TTLL11: variants seen among roughly 807,000 people sequenced by gnomAD.
TTLL11 encodes tubulin tyrosine ligase like 11.
A neutral mutation model predicts 51.7 loss-of-function variants in TTLL11; 42 were observed. That is an observed-to-expected ratio of 0.81 (90% confidence interval 0.64 to 1.05). TTLL11 has a LOEUF of 1.05. Ranked by LOEUF, TTLL11 falls within the 50% of genes least tolerant of loss-of-function variation. The pLI, the probability that TTLL11 is intolerant of heterozygous loss-of-function variation, is 0.00. For synonymous variants in TTLL11, 381 were observed against 383.5 expected (o/e 0.99, Z 0.08); for missense variants, 799 against 940.4 (o/e 0.85, Z 1.97).
At chr9:122,002,610 T>A (rs887903447) in intron 3 of TTLL11, among the ~76,000 whole-genome samples, 4 of 152,060 alleles carry the variant, frequency 2.6e-5, no homozygotes, top group Admixed American at 2.6e-4. Context: ...TGTTTTCCCA[T>A]CCCCTGGGAA....
intron 1 of TTLL11, among the ~76,000 whole-genome samples, chr9:122,065,301 A>G (rs1487721002): frequency 6.6e-6 from 1 of 152,226 alleles, no homozygotes; most frequent in Admixed American, 6.5e-5. Context: ...CCTCGCAAGA[A>G]GAAAAGGAAT....
At chr9:121,865,492 A>G (rs1838150637) in intron 7 of TTLL11, among the ~76,000 whole-genome samples, 1 of 152,200 alleles carries the variant, frequency 6.6e-6, no homozygotes, top group Non-Finnish European at 1.5e-5. Flanking sequence ...GCCATCACGA[A>G]AAATGCAGCA....
intron 6 of TTLL11, among the ~76,000 whole-genome samples, chr9:121,929,763 G>C (rs535975153): frequency 6.6e-6 from 1 of 152,184 alleles, no homozygotes; most frequent in Non-Finnish European, 1.5e-5. Flanking sequence ...GGCAGGTTCC[G>C]AGGACCGGCC....
intron 8 of TTLL11, among the ~76,000 whole-genome samples, chr9:121,824,866 T>A (rs909808428): frequency 6.6e-6 from 1 of 152,166 alleles, no homozygotes; most frequent in African/African-American, 2.4e-5. Context: ...GGTTTGTAGA[T>A]TACAGGTTAC....
At chr9:122,054,664 C>T (rs1459603261) in intron 1 of TTLL11, among the ~76,000 whole-genome samples, 3 of 152,124 alleles carry the variant, frequency 2.0e-5, no homozygotes, top group African/African-American at 4.8e-5. Context: ...GAAAAGAGTT[C>T]CAATATCAAT....
chr9:122,032,983 T>G (rs1331944526), intron 2 of TTLL11, among the ~76,000 whole-genome samples: 1 of 151,652 alleles, frequency 6.6e-6, no homozygotes, highest in East Asian at 2.0e-4. Flanking sequence ...TTTTTGTTTT[T>G]GTAGAGACAG....
intron 6 of TTLL11, among the ~76,000 whole-genome samples, chr9:121,950,871 A>T (rs1841832111): frequency 6.6e-6 from 1 of 152,158 alleles, no homozygotes; most frequent in Non-Finnish European, 1.5e-5. Flanking sequence ...TAAAATGAGG[A>T]CAATAATACC....
chr9:121,843,232 G>A (rs542767400), intron 8 of TTLL11, among the ~76,000 whole-genome samples: 1 of 152,016 alleles, frequency 6.6e-6, no homozygotes, highest in East Asian at 1.9e-4. Flanking sequence ...AAAAAAAGCT[G>A]AACAAATTGA....
At position 121,995,843 on chromosome 9, in the gene TTLL11, G is replaced by T. The variant is rs1433264699; in HGVS notation, c.694-6073C>A. Among the ~76,000 whole-genome samples, 1 of 152,194 alleles carries T rather than the reference G, an allele frequency of 6.6e-6. No homozygotes were observed. Among genetic ancestry groups the T allele is most frequent in the Non-Finnish European group, 1.5e-5 (1 of 68,034 alleles). On this transcript the variant is annotated intron_variant, in intron 3 of 8. Transcript: ENST00000321582. The surrounding 1 kb of genome is among the most constrained non-coding windows in gnomAD (Gnocchi z 4.4). ...TGCTGTCCGACAGGGATGAGACTCA[G>T]ACTCTAAACTCAGATGGCGCATACC...
intron 6 of TTLL11, among the ~76,000 whole-genome samples, chr9:121,914,323 T>A (rs1317932715): frequency 1.3e-5 from 2 of 152,232 alleles, no homozygotes; most frequent in African/African-American, 4.8e-5. Context: ...CTAGTTCCTA[T>A]CAACCTTTTA....
At chr9:121,952,695 CA>C (rs1386055875) in intron 6 of TTLL11, among the ~76,000 whole-genome samples, 1 of 152,130 alleles carries the variant, frequency 6.6e-6, no homozygotes, top group African/African-American at 2.4e-5. Context: ...GAGACACTGG[CA>C]AACGTGCTCA....
At chr9:122,036,495 G>A (rs931204330) in intron 2 of TTLL11, among the ~76,000 whole-genome samples, 6 of 151,510 alleles carry the variant, frequency 4.0e-5, no homozygotes, top group African/African-American at 1.2e-4. Flanking sequence ...TTCTTTAGAC[G>A]TATCTAAATC....
At chr9:121,869,982 A>T (rs1301853878) in intron 7 of TTLL11, among the ~76,000 whole-genome samples, 1 of 152,242 alleles carries the variant, frequency 6.6e-6, no homozygotes, top group Non-Finnish European at 1.5e-5. Context: ...TTGAAAATTC[A>T]TGCAAATTTT....
chr9:121,994,192 G>A (rs999110269), intron 3 of TTLL11, among the ~76,000 whole-genome samples: 3 of 151,976 alleles, frequency 2.0e-5, no homozygotes, highest in Middle Eastern at 3.4e-3. Context: ...CAGTGGGGCA[G>A]AAAGGAAGGA....
intron 1 of TTLL11, among the ~76,000 whole-genome samples, chr9:122,045,722 T>C (rs1844983346): frequency 2.0e-5 from 3 of 152,120 alleles, no homozygotes; most frequent in Admixed American, 1.3e-4. Context: ...TATCCGGCCT[T>C]ATAAAGGAAG....
intron 3 of TTLL11, among the ~76,000 whole-genome samples, chr9:122,024,766 C>T (rs1422639690): frequency 6.6e-6 from 1 of 152,134 alleles, no homozygotes; most frequent in Non-Finnish European, 1.5e-5. Flanking sequence ...ACACCATATA[C>T]AAAAATTAAC....
chr9:122,073,031 G>A (rs115522344), intron 1 of TTLL11, among the ~76,000 whole-genome samples: 1,907 of 152,252 alleles, frequency 0.013, 28 homozygotes, highest in African/African-American at 0.041. Flanking sequence ...TGATTATATC[G>A]TCTATCAGGC....
At chr9:122,077,727 T>C (rs1845897311) in intron 1 of TTLL11, among the ~76,000 whole-genome samples, 2 of 151,816 alleles carry the variant, frequency 1.3e-5, no homozygotes, top group South Asian at 4.1e-4. Flanking sequence ...CTAACATACA[T>C]ATGTAAAATA....
chr9:122,030,669 C>T (rs954734433), intron 3 of TTLL11, among the ~76,000 whole-genome samples: 5 of 151,658 alleles, frequency 3.3e-5, no homozygotes, highest in African/African-American at 4.8e-5. Flanking sequence ...TGCCTATAAT[C>T]GCAGCACTTT....
Sources: gnomAD v4.1 joint callset for allele counts (sites outside exome capture counted in the v4.1 genomes callset) on GRCh38, gnomAD v4.1.1 for gene constraint, Gnocchi (gnomAD v3.1) non-coding constraint, MANE v1.5 for transcripts, NCBI Gene and HGNC (gene_info 2026-07-23, HGNC 2026-07-21) for gene names.